C15orf39: variants seen among roughly 807,000 people sequenced by gnomAD.
C15orf39 encodes the protein uncharacterized protein C15orf39.
In C15orf39, 24 loss-of-function variants were observed where a neutral mutation model predicts 53.9. The observed-to-expected ratio is 0.45, with a 90% CI of 0.32 to 0.63. The LOEUF is 0.63. Ranked by LOEUF, C15orf39 falls within the 20% of genes least tolerant of loss-of-function variation. The probability of loss-of-function intolerance (pLI) is 0.04; values close to 1 mark genes in which losing one functional copy is unlikely to be tolerated. For synonymous variants in C15orf39, 569 were observed against 576.5 expected, an observed-to-expected ratio of 0.99 and a Z score of 0.19; for missense variants, 1,271 against 1,347.9, an observed-to-expected ratio of 0.94 and a Z score of 0.89.
At chr15:75,198,991 GCAC>G (rs1349173465), upstream of C15orf39, 2 of 152,240 alleles carry the variant, frequency 1.3e-5, no homozygotes, top group African/African-American at 2.4e-5. Context: ...CTAATATCCA[GCAC>G]CAGTTGGCCT....
intron 2 of C15orf39, chr15:75,209,256 GC>G (rs2070466408): frequency 5.6e-6 from 1 of 177,756 alleles, no homozygotes; most frequent in Non-Finnish European, 1.2e-5. Flanking sequence ...CTGGGCCTCA[GC>G]CCCTGGGTCT....
chr15:75,205,892 C>T (rs1373637206), intron 1 of C15orf39, 107 bp from the exon 2 acceptor site: 7 of 727,788 alleles, frequency 9.6e-6, no homozygotes, highest in Admixed American at 5.9e-5. Flanking sequence ...ATCATTTAAG[C>T]GCCAGGTTCT....
rs1338028126 is a variant in C15orf39, at chr15:75,201,912, G to C, written c.-198G>C. The C allele has an allele frequency of 6.6e-6, 1 of 151,966 alleles. No individual in the cohort carries two copies. The highest frequency in any genetic ancestry group is 1.5e-5 in the Non-Finnish European group (1 of 67,954). 9.4% of individuals were successfully genotyped at this position (151,966 alleles called of 1,614,324 possible). On this transcript the variant is annotated 5_prime_UTR_variant, in exon 1 of 3. Transcript: ENST00000394987. This position sits in a 1 kb window ranked among gnomAD's most constrained non-coding sequence, Gnocchi z 4.7. Reference sequence around the variant, plus strand: ...GCGCCCAGCGGCGGCGCGAACGGCAGCTAGGAGGGTTGCTCCGGGCTTGGT... The same window carrying C: ...GCGCCCAGCGGCGGCGCGAACGGCACCTAGGAGGGTTGCTCCGGGCTTGGT...
At position 75,206,064 on chromosome 15, in the gene C15orf39, C is replaced by T. The variant is rs370912089; in HGVS notation, c.16C>T (p.Pro6Ser). The T allele has an allele frequency of 1.2e-6, 2 of 1,607,338 alleles. No homozygotes were observed. The highest frequency in any genetic ancestry group is 1.7e-6 in the Non-Finnish European group (2 of 1,176,716). ...CTTCACAGCGATGGCAGAGAAGCGA[C>T]CCCTGAGAACCCTGGGGCCTGTGAT... is the stretch of plus-strand genomic sequence containing the variant. MAEKR[P>S]LRTLGPVMYG... The change falls in exon 2 of 3, where the codon CCC (proline) becomes TCC (serine). Residue 6 changes from proline to serine, a missense_variant. By Grantham distance (74) the Pro-to-Ser change is moderately conservative (BLOSUM62 -1). Around this residue, in one of 2 missense-constraint regions of C15orf39, gnomAD observed 994 missense variants for 993.7 expected, o/e 1.00. Transcript: ENST00000394987.
Position 75,208,353 on chromosome 15 carries a change from G to T in C15orf39, c.2305G>T (p.Gly769Ter). 6.3e-7 allele frequency: 1 copy of T among 1,587,902 alleles called. No individual in the cohort carries two copies. Among genetic ancestry groups the T allele is most frequent in the East Asian group, 2.3e-5 (1 of 43,434 alleles). The part of the protein sequence containing the change: ...PGDSLEQHFT[G>*]LHASLCDAIS... ...GGACTCCCTGGAGCAGCATTTTACA[G>T]GACTACATGCGTCCCTGTGTGATGC... The change falls in exon 2 of 3, where the codon GGA becomes TGA. Residue 769 changes from glycine (G) to a stop codon, truncating the protein, a stop_gained. Transcript: ENST00000394987. LOFTEE classifies it high-confidence loss of function.
Position 75,207,426 on chromosome 15 carries a change from C to T in C15orf39, c.1378C>T (p.Pro460Ser). 4 of 1,613,490 alleles carry T rather than the reference C, an allele frequency of 2.5e-6. No individual in the cohort carries two copies. Among genetic ancestry groups the T allele is most frequent in the Non-Finnish European group, 3.4e-6 (4 of 1,180,012 alleles). The change falls in exon 2 of 3, where the codon CCG becomes TCG. Residue 460 changes from proline to serine, a missense_variant. Physicochemically the swap from Pro to Ser is moderately conservative, Grantham distance 74. Coordinates refer to ENST00000394987, the MANE Select transcript of C15orf39 (RefSeq NM_015492.5). Reference protein sequence around the residue: ...LQPRLSEHSGPPIVIRDSPVP... With the variant: ...LQPRLSEHSGSPIVIRDSPVP... Reference sequence around the variant, plus strand: ...GCCCCGGCTCAGTGAGCACTCTGGGCCGCCCATCGTCATCCGAGACAGTCC... The same window carrying T: ...GCCCCGGCTCAGTGAGCACTCTGGGTCGCCCATCGTCATCCGAGACAGTCC...
upstream of C15orf39, among the ~76,000 whole-genome samples, chr15:75,200,510 G>C (rs566798612): frequency 2.6e-3 from 395 of 152,332 alleles, 1 homozygote; most frequent in Non-Finnish European, 4.7e-3. Flanking sequence ...TGCTGGAGGA[G>C]GAGGGGCGAG....
In C15orf39 at chr15:75,206,719, G is replaced by C. The variant is rs1477353205; in HGVS notation, c.671G>C (p.Gly224Ala). The stretch of plus-strand genomic sequence containing the variant: ...AAATATCAGACCATCCACAGCACGG[G>C]CTTCCTGGCCTCCAGGTACACAGGT... ...LEKYQTIHSTGFLASRYTGPY... is the reference protein window; with the variant it reads ...LEKYQTIHSTAFLASRYTGPY... Residue 224 changes from glycine to alanine, a missense_variant, in exon 2 of 3, where the codon GGC becomes GCC. By Grantham distance (60) the Gly-to-Ala change is moderately conservative. This residue lies in a region of C15orf39 where 994 missense variants were observed against 993.7 expected (regional missense o/e 1.00). Coordinates refer to ENST00000394987, the MANE Select transcript of C15orf39 (RefSeq NM_015492.5). 1.2e-6 allele frequency: 2 copies of C among 1,613,580 alleles called. No individual in the cohort carries two copies.
At position 75,211,245 on chromosome 15, in the gene C15orf39, C is replaced by A; in HGVS notation, c.*129C>A. ...CCCCTGGAGGGGTTCCATCTCTGAC[C>A]CTGTGGCCCATTCAGGGTGGGCTGA... is the stretch of plus-strand genomic sequence containing the variant. On this transcript the variant is annotated 3_prime_UTR_variant, in exon 3 of 3. Coordinates refer to ENST00000394987, the MANE Select transcript of C15orf39 (RefSeq NM_015492.5). The A allele has an allele frequency of 7.6e-7, 1 of 1,311,486 alleles. No individual in the cohort carries two copies. The highest frequency in any genetic ancestry group is 1.0e-6 in the Non-Finnish European group (1 of 977,468). 81.2% of individuals were successfully genotyped at this position (1,311,486 alleles called of 1,614,324 possible). A position where few individuals can be genotyped will look rare whatever the true frequency, so the allele number is the denominator to read the frequency against.
chr15:75,208,423 A>G lies in C15orf39; in HGVS notation c.2375A>G (p.Glu792Gly), dbSNP rs1325276522. The change falls in exon 2 of 3, where the codon GAG (glutamate) becomes GGG (glycine). Residue 792 changes from glutamate to glycine, a missense_variant. Around this residue, in one of 2 missense-constraint regions of C15orf39, gnomAD observed 277 missense variants for 354.1 expected, o/e 0.78. Transcript: ENST00000394987. ...VAHSPPEKLR[E>G]WLETAGPWGQ... ...CACTCTCCTCCAGAGAAGCTTCGCGAGTGGCTAGAGACGGCTGGGCCCTGG... is the reference window on the plus strand; with the variant it reads ...CACTCTCCTCCAGAGAAGCTTCGCGGGTGGCTAGAGACGGCTGGGCCCTGG... 4 of 1,606,392 alleles carry G rather than the reference A, an allele frequency of 2.5e-6. No individual in the cohort carries two copies. Among genetic ancestry groups the G allele is most frequent in the Non-Finnish European group, 3.4e-6 (4 of 1,178,612 alleles).
chr15:75,202,616 G>T (rs1044270724), intron 1 of C15orf39, among the ~76,000 whole-genome samples: 1 of 152,204 alleles, frequency 6.6e-6, no homozygotes, highest in South Asian at 2.1e-4. Context: ...GGACCCTGTC[G>T]CCGGGCCGCC....
At position 75,207,635 on chromosome 15, in the gene C15orf39, T is replaced by TGCCACAGCTGAGCCTGACTCA; in HGVS notation, c.1591_1611dup (p.Thr531_Ala537dup). The stretch of plus-strand genomic sequence containing the variant: ...CCGAGGCCACAACTGAGCCTGACTC[T>TGCCACAGCTGAGCCTGACTCA]GCCACAGCTGAGCCTGACTCAGCCC... On this transcript the variant is annotated inframe_insertion, in exon 2 of 3. Transcript: ENST00000394987. 2 of 1,612,182 alleles carry TGCCACAGCTGAGCCTGACTCA rather than the reference T, an allele frequency of 1.2e-6. No individual in the cohort carries two copies. Among genetic ancestry groups the TGCCACAGCTGAGCCTGACTCA allele is most frequent in the Non-Finnish European group, 1.7e-6 (2 of 1,179,656 alleles).
At position 75,208,363 on chromosome 15, in the gene C15orf39, C is replaced by T. The variant is rs1389782433; in HGVS notation, c.2315C>T (p.Ala772Val). 5 of 1,592,234 alleles carry T rather than the reference C, an allele frequency of 3.1e-6. No homozygotes were observed. The highest frequency in any genetic ancestry group is 2.7e-5 in the African/African-American group (2 of 74,436). Residue 772 changes from alanine (A) to valine (V), a missense_variant, in exon 2 of 3, where the codon GCG becomes GTG. Physicochemically the swap from Ala to Val is moderately conservative, Grantham distance 64. Transcript: ENST00000394987. ...SLEQHFTGLH[A>V]SLCDAISGSV... is the part of the protein sequence containing the mutation. ...GAGCAGCATTTTACAGGACTACATG[C>T]GTCCCTGTGTGATGCTATTTCTGGC...
At chr15:75,199,531 G>A (rs961727453), upstream of C15orf39, among the ~76,000 whole-genome samples, 1 of 152,224 alleles carries the variant, frequency 6.6e-6, no homozygotes, top group Non-Finnish European at 1.5e-5. Context: ...TCCAAGGAAG[G>A]AGATTTGTAA....
Position 75,211,171 on chromosome 15 carries a change from C to T in C15orf39, c.*55C>T. ...GTCACTCTCCACCCTTCCCTTCTGC[C>T]TGCCCAGCTGCCCCGGGGCCACGAG... On this transcript the variant is annotated 3_prime_UTR_variant, in exon 3 of 3. Transcript: ENST00000394987. 6.6e-7 allele frequency: 1 copy of T among 1,523,774 alleles called. No individual in the cohort carries two copies. Among genetic ancestry groups the T allele is most frequent in the Admixed American group, 1.9e-5 (1 of 52,226 alleles). The allele number at this position is 1,523,774 out of a possible 1,614,324, so 94.4% of individuals were successfully genotyped here.
rs200600379 is a variant in C15orf39, at chr15:75,208,234, C to T, written c.2186C>T (p.Pro729Leu). Residue 729 changes from proline to leucine, a missense_variant, in exon 2 of 3, where the codon CCG becomes CTG. By Grantham distance (98) the Pro-to-Leu change is moderately conservative (BLOSUM62 -3). Transcript: ENST00000394987. ...CCTGCTCCAGCTCCATCCCCTGCTC[C>T]GGCTCGAGCTCAGGCTCCAGCTTCA... ...PAPAPAPSPAPARAQAPASAR... is the reference protein window; with the variant it reads ...PAPAPAPSPALARAQAPASAR... 3.2e-5 allele frequency: 51 copies of T among 1,610,686 alleles called. No homozygotes were observed. Among genetic ancestry groups the T allele is most frequent in the East Asian group, 6.7e-5 (3 of 44,756 alleles).
Position 75,206,608 on chromosome 15 carries a change from A to G in C15orf39, c.560A>G (p.Asp187Gly). ...APAPSKGQTL[D>G]GTFLRGVPAE... ...GCTCCTAGCAAGGGCCAGACTCTGG[A>G]TGGCACCTTCTTGCGGGGGGTGCCA... The change falls in exon 2 of 3, where the codon GAT (aspartate) becomes GGT (glycine). Residue 187 changes from aspartate (D) to glycine (G), a missense_variant. Around this residue, in one of 2 missense-constraint regions of C15orf39, gnomAD observed 994 missense variants for 993.7 expected, o/e 1.00. Transcript: ENST00000394987. 1.2e-6 allele frequency: 2 copies of G among 1,613,784 alleles called. No homozygotes were observed. The highest frequency in any genetic ancestry group is 1.7e-6 in the Non-Finnish European group (2 of 1,179,924).
intron 1 of C15orf39, among the ~76,000 whole-genome samples, chr15:75,202,600 C>G (rs2070411761): frequency 6.7e-6 from 1 of 148,594 alleles, no homozygotes; most frequent in Non-Finnish European, 1.5e-5. Flanking sequence ...GAGGCGGAGG[C>G]TGCCCGGACC....
In C15orf39 at chr15:75,208,399, A is replaced by G; in HGVS notation, c.2351A>G (p.His784Arg). The part of the protein sequence containing the change: ...LCDAISGSVA[H>R]SPPEKLREWL... ...GATGCTATTTCTGGCTCCGTCGCCC[A>G]CTCTCCTCCAGAGAAGCTTCGCGAG... Residue 784 changes from histidine (H) to arginine (R), a missense_variant, in exon 2 of 3, where the codon CAC (histidine) becomes CGC (arginine). Coordinates refer to ENST00000394987, the MANE Select transcript of C15orf39 (RefSeq NM_015492.5). 1 of 1,605,178 alleles carries G rather than the reference A, an allele frequency of 6.2e-7. No homozygotes were observed. The highest frequency in any genetic ancestry group is 8.5e-7 in the Non-Finnish European group (1 of 1,177,210).
Sources: allele counts gnomAD v4.1 joint callset (sites outside exome capture counted in the v4.1 genomes callset), GRCh38; gene constraint gnomAD v4.1.1; regional missense constraint gnomAD v4.1.1; non-coding constraint Gnocchi (gnomAD v3.1); transcripts MANE v1.5; gene names NCBI Gene and HGNC (gene_info 2026-07-23, HGNC 2026-07-21).